C2orf78: variants seen among roughly 807,000 people sequenced by gnomAD.
C2orf78 encodes the protein chromosome 2 open reading frame 78.
In C2orf78, 12 loss-of-function variants were observed where a neutral mutation model predicts 21.4. That is an observed-to-expected ratio of 0.56 (90% CI 0.36 to 0.91). The LOEUF is 0.91. C2orf78 is among the 40% of genes least tolerant of loss of function. The pLI is 0.01. For synonymous variants in C2orf78, 396 were observed against 413.9 expected, an observed-to-expected ratio of 0.96 and a Z score of 0.52; for missense variants, 1,042 against 1,092.4, an observed-to-expected ratio of 0.95 and a Z score of 0.65.
Position 73,816,887 on chromosome 2 carries a change from AG to A in C2orf78, c.2665del (p.Glu889SerfsTer37), listed in dbSNP as rs1352442618. On this transcript the variant is annotated frameshift_variant, in exon 3 of 3. Coordinates refer to ENST00000409561, the Ensembl canonical transcript of C2orf78. LOFTEE classifies it low-confidence loss of function (END_TRUNC). ...AGGCCATGAAGAGAAAGGCTCAACA[AG>A]AGCGTGAGAATGCTGCCAAATACAC... 6.2e-7 allele frequency: 1 copy of A among 1,613,944 alleles called. No homozygotes were observed. Among genetic ancestry groups the A allele is most frequent in the Admixed American group, 1.7e-5 (1 of 60,006 alleles).
chr2:73,814,432 C>G (rs1273300553), intron 2 of C2orf78, among the ~76,000 whole-genome samples: 1 of 152,164 alleles, frequency 6.6e-6, no homozygotes, highest in Non-Finnish European at 1.5e-5. Context: ...GCCATCTATG[C>G]TACATGTAAG....
intron 1 of C2orf78, among the ~76,000 whole-genome samples, chr2:73,807,082 A>G (rs546800): frequency 5.5e-4 from 79 of 144,044 alleles, no homozygotes; most frequent in East Asian, 2.0e-3. Context: ...TCGGGAGACT[A>G]AGGCACGAGA....
At chr2:73,785,747 T>C (rs1672912948) in intron 1 of C2orf78, among the ~76,000 whole-genome samples, 1 of 152,040 alleles carries the variant, frequency 6.6e-6, no homozygotes, top group Non-Finnish European at 1.5e-5. Context: ...TATAAACATT[T>C]TGGAAATATG....
chr2:73,817,114 A>G (rs2103998583), exon 3 of C2orf78: 1 of 1,182,774 alleles, frequency 8.5e-7, no homozygotes, highest in Non-Finnish European at 1.1e-6. Context: ...GAATTGATTA[A>G]TAGATAAGTA....
chr2:73,816,648 G>T, exon 3 of C2orf78: 1 of 1,613,884 alleles, frequency 6.2e-7, no homozygotes, highest in South Asian at 1.1e-5. Context: ...TCAATCTGCT[G>T]CTTCTAGGCC....
exon 3 of C2orf78, chr2:73,815,586 C>G (rs377075053): frequency 1.3e-5 from 21 of 1,613,998 alleles, no homozygotes; most frequent in Non-Finnish European, 1.7e-5. Flanking sequence ...TTACCTCCCC[C>G]CGATCTTCAG....
chr2:73,815,347 T>A, exon 3 of C2orf78: 1 of 1,613,956 alleles, frequency 6.2e-7, no homozygotes, highest in Non-Finnish European at 8.5e-7. Flanking sequence ...CCTCTAGATG[T>A]CCACCAGATC....
At chr2:73,810,030 G>A (rs1169891866) in intron 1 of C2orf78, among the ~76,000 whole-genome samples, 1 of 151,358 alleles carries the variant, frequency 6.6e-6, no homozygotes, top group Admixed American at 6.6e-5. Flanking sequence ...AAAAGCAAAA[G>A]GACAACAGAG....
intron 1 of C2orf78, among the ~76,000 whole-genome samples, chr2:73,810,551 A>G (rs1673059757): frequency 7.0e-6 from 1 of 142,570 alleles, no homozygotes; most frequent in Non-Finnish European, 1.5e-5. Context: ...ATATATATAT[A>G]TACATAAAAT....
chr2:73,815,803 T>C (rs1673182167), exon 3 of C2orf78: 1 of 1,613,622 alleles, frequency 6.2e-7, no homozygotes, highest in Non-Finnish European at 8.5e-7. Flanking sequence ...GAGTGCCTAT[T>C]AGAGAGAGAA....
At chr2:73,784,873 T>G (rs1332715940) in intron 1 of C2orf78, among the ~76,000 whole-genome samples, 1 of 151,388 alleles carries the variant, frequency 6.6e-6, no homozygotes, top group Non-Finnish European at 1.5e-5. Context: ...ATGTTTTAAA[T>G]AATATTCAGC....
chr2:73,807,993 C>T lies in C2orf78; in HGVS notation c.98-5484C>T, dbSNP rs143299722. 9.1e-3 allele frequency among the ~76,000 whole-genome samples: 1,382 copies of T among 151,230 alleles called. 38 individuals carry two copies. The highest frequency in any genetic ancestry group is 0.013 in the Admixed American group (203 of 15,272). ...CAGTAGGGCCGGGTGCGGTGGCTCC[C>T]GCCTGTAATCCCAGCACTTTGGGAG... is the stretch of plus-strand genomic sequence containing the variant. On this transcript the variant is annotated intron_variant, in intron 1 of 2. Coordinates refer to ENST00000409561, the Ensembl canonical transcript of C2orf78.
At chr2:73,786,476 A>T (rs1172183985) in intron 1 of C2orf78, among the ~76,000 whole-genome samples, 2 of 110,402 alleles carry the variant, frequency 1.8e-5, no homozygotes, top group Non-Finnish European at 3.7e-5. Context: ...TTCCTCCCCC[A>T]AACCAGCTTA....
At chr2:73,785,539 A>G (rs1200371116) in intron 1 of C2orf78, among the ~76,000 whole-genome samples, 1 of 150,354 alleles carries the variant, frequency 6.7e-6, no homozygotes, top group African/African-American at 2.4e-5. Flanking sequence ...TTGAAAAAAA[A>G]AAGCAGAAGG....
chr2:73,813,653 C>G (rs776533406), exon 2 of C2orf78: 5 of 1,614,040 alleles, frequency 3.1e-6, no homozygotes, highest in East Asian at 4.5e-5. Context: ...CTTCCAGCCA[C>G]TCATGGGCAG....
exon 3 of C2orf78, chr2:73,817,126 T>A (rs1673220894): frequency 1.9e-6 from 2 of 1,074,212 alleles, no homozygotes; most frequent in South Asian, 4.5e-5. Flanking sequence ...AGATAAGTAA[T>A]AAAGAGGCCT....
At chr2:73,816,179 C>T (rs1573205144) in exon 3 of C2orf78, 2 of 1,613,928 alleles carry the variant, frequency 1.2e-6, no homozygotes, top group African/African-American at 2.7e-5. Flanking sequence ...GATTCTCTTC[C>T]TCCAGGACCC....
intron 1 of C2orf78, 96 bp from the exon 2 acceptor site, chr2:73,813,381 C>T (rs1024605120): frequency 7.8e-6 from 10 of 1,285,880 alleles, no homozygotes; most frequent in African/African-American, 1.5e-5. Flanking sequence ...TTAGAGGCTT[C>T]CTGATTGCAA....
At chr2:73,813,445 C>A (rs776793104) in intron 1 of C2orf78, 32 bp from the exon 2 acceptor site, 15 of 1,526,590 alleles carry the variant, frequency 9.8e-6, no homozygotes, top group South Asian at 2.6e-5. Flanking sequence ...TCACTCTCAT[C>A]GGTTTTTTCA....
Sources: gnomAD v4.1 joint callset for allele counts (sites outside exome capture counted in the v4.1 genomes callset) on GRCh38, gnomAD v4.1.1 for gene constraint, MANE v1.5 for transcripts, NCBI Gene and HGNC (gene_info 2026-07-23, HGNC 2026-07-21) for gene names.